RASSF8: variants seen among roughly 807,000 people sequenced by gnomAD.
RASSF8 encodes ras association domain-containing protein 8.
A neutral mutation model predicts 48.5 loss-of-function variants in RASSF8; 22 were observed. The observed-to-expected ratio is 0.45, with a 90% CI of 0.32 to 0.65. The LOEUF is 0.65. RASSF8 is among the 30% of genes least tolerant of loss of function. The pLI is 0.03. For synonymous variants in RASSF8, 127 were observed against 171.5 expected (o/e 0.74, Z 2.03); for missense variants, 418 against 489.2 (o/e 0.85, Z 1.37).
At chr12:26,022,680 C>A (rs11048381) in intron 2 of RASSF8, among the ~76,000 whole-genome samples, 3 of 142,760 alleles carry the variant, frequency 2.1e-5, no homozygotes, top group African/African-American at 7.9e-5. Flanking sequence ...AATTGAAATT[C>A]TAGAGTAAAA....
downstream of RASSF8, among the ~76,000 whole-genome samples, chr12:26,075,877 C>T (rs981441133): frequency 6.6e-6 from 1 of 152,078 alleles, no homozygotes; most frequent in African/African-American, 2.4e-5. Context: ...AAGGGAGGGG[C>T]TCACCAGAGA....
rs770531164 is a variant in RASSF8, at chr12:26,072,255, C to G, written c.*3437C>G. The G allele has an allele frequency of 1.8e-5, 18 of 976,172 alleles. No individual in the cohort carries two copies. The South Asian group carries it at 5.7e-4, about 31-fold the overall frequency. 60.5% of individuals were successfully genotyped at this position (976,172 alleles called of 1,614,324 possible). A position where few individuals can be genotyped will look rare whatever the true frequency, so the allele number is the denominator to read the frequency against. The stretch of plus-strand genomic sequence containing the variant: ...GTATTGTGTTCAGTTTTTTAAGTTG[C>G]ATGTTTATACTATTTGCTACAGTAT... On this transcript the variant is annotated 3_prime_UTR_variant, in exon 6 of 6. Transcript: ENST00000689635.
chr12:26,058,720 A>G (rs1943671906), intron 3 of RASSF8, among the ~76,000 whole-genome samples: 1 of 152,248 alleles, frequency 6.6e-6, no homozygotes, highest in Non-Finnish European at 1.5e-5. Context: ...TCTTCATGCT[A>G]CTAATCAATC....
At chr12:26,037,885 A>G (rs1943185524) in intron 2 of RASSF8, among the ~76,000 whole-genome samples, 1 of 152,224 alleles carries the variant, frequency 6.6e-6, no homozygotes, top group Non-Finnish European at 1.5e-5. Context: ...ATTGTGCCCT[A>G]GCCAGCTAGC....
chr12:25,998,322 T>A (rs1487848696), intron 2 of RASSF8, among the ~76,000 whole-genome samples: 3 of 151,926 alleles, frequency 2.0e-5, no homozygotes, highest in Non-Finnish European at 4.4e-5. Context: ...CACAAAGGAC[T>A]GTAGAATATT....
intron 3 of RASSF8, among the ~76,000 whole-genome samples, chr12:26,058,097 A>T (rs2137258916): frequency 6.6e-6 from 1 of 152,358 alleles, no homozygotes; most frequent in South Asian, 2.1e-4. Context: ...ACACATTTTA[A>T]CTAAATCTGC....
chr12:25,997,317 A>C (rs1347371177), intron 2 of RASSF8, among the ~76,000 whole-genome samples: 1 of 152,136 alleles, frequency 6.6e-6, no homozygotes, highest in Non-Finnish European at 1.5e-5. Flanking sequence ...GATAAACAGG[A>C]CTTAGTTCTA....
intron 2 of RASSF8, among the ~76,000 whole-genome samples, chr12:26,048,714 A>G (rs2729644): frequency 0.7 from 105,369 of 151,314 alleles, 36,591 homozygotes; most frequent in East Asian, 0.81. Context: ...TTCCTCTCTC[A>G]CCTTTTTGTT....
chr12:25,999,872 TA>T (rs1479497875), intron 2 of RASSF8, among the ~76,000 whole-genome samples: 1 of 152,206 alleles, frequency 6.6e-6, no homozygotes, highest in African/African-American at 2.4e-5. Context: ...TGCCAGGGAT[TA>T]AACTCGGTAA....
chr12:25,999,884 G>A (rs1942215857), intron 2 of RASSF8, among the ~76,000 whole-genome samples: 1 of 152,176 alleles, frequency 6.6e-6, no homozygotes. Context: ...AACTCGGTAA[G>A]AAATGCAATT....
At position 26,067,177 on chromosome 12, in the gene RASSF8, A is replaced by T. The variant is rs567732562; in HGVS notation, c.994-392A>T. Among the ~76,000 whole-genome samples, 4 of 152,378 alleles carry T rather than the reference A, an allele frequency of 2.6e-5. No homozygotes were observed. The South Asian group carries it at 8.3e-4, about 32-fold the overall frequency. ...TTAGCAAGATTGCTGCAACACAGAG[A>T]TGGGTAAAAACCTGTGGGGTTTTTT... is the stretch of plus-strand genomic sequence containing the variant. On this transcript the variant is annotated intron_variant, in intron 4 of 5. Transcript: ENST00000689635.
chr12:26,012,684 T>TTTC (rs890583373), intron 2 of RASSF8, among the ~76,000 whole-genome samples: 37 of 145,874 alleles, frequency 2.5e-4, no homozygotes, highest in African/African-American at 8.5e-4. Flanking sequence ...CCTTTTTTCT[T>TTTC]TTTTTTTTTT....
At chr12:25,973,396 G>A (rs893976285) in intron 1 of RASSF8, among the ~76,000 whole-genome samples, 4 of 152,106 alleles carry the variant, frequency 2.6e-5, no homozygotes, top group African/African-American at 9.7e-5. Context: ...TTGTCACTTA[G>A]TAGTCATGGG....
intron 2 of RASSF8, among the ~76,000 whole-genome samples, chr12:26,022,966 CA>C (rs1391321575): frequency 6.6e-6 from 1 of 152,096 alleles, no homozygotes; most frequent in Non-Finnish European, 1.5e-5. Context: ...AGGCTGGTCT[CA>C]AACTCGCGAC....
chr12:26,032,802 G>A (rs1943056504), intron 2 of RASSF8, among the ~76,000 whole-genome samples: 2 of 152,152 alleles, frequency 1.3e-5, no homozygotes, highest in African/African-American at 4.8e-5. Flanking sequence ...AATGTCTGGA[G>A]TGTCAACATA....
At chr12:26,078,906 A>AG (rs1360393751) in intron 5 of RASSF8, 1 of 733,592 alleles carries the variant, frequency 1.4e-6, no homozygotes, top group African/African-American at 1.8e-5. Flanking sequence ...TCAAAAAAAA[A>AG]GGCGCTAACC....
At chr12:26,036,817 G>A (rs373459929) in intron 2 of RASSF8, among the ~76,000 whole-genome samples, 7 of 152,176 alleles carry the variant, frequency 4.6e-5, no homozygotes, top group African/African-American at 1.7e-4. Context: ...TAGGGAAGCT[G>A]AGGCAGGAGA....
chr12:25,979,993 CTT>C (rs1941700972), intron 1 of RASSF8, among the ~76,000 whole-genome samples: 1 of 152,118 alleles, frequency 6.6e-6, no homozygotes, highest in Admixed American at 6.5e-5. Flanking sequence ...AAAGGTGACT[CTT>C]AAATAGAGGT....
At chr12:25,985,428 A>G (rs1011575644) in intron 1 of RASSF8, among the ~76,000 whole-genome samples, 1 of 152,192 alleles carries the variant, frequency 6.6e-6, no homozygotes, top group Admixed American at 6.6e-5. Flanking sequence ...AGGATAATTT[A>G]GTTTGGTGCC....
Sources: gnomAD v4.1 joint callset for allele counts (sites outside exome capture counted in the v4.1 genomes callset) on GRCh38, gnomAD v4.1.1 for gene constraint, MANE v1.5 for transcripts, NCBI Gene and HGNC (gene_info 2026-07-23, HGNC 2026-07-21) for gene names.